Variants in SMARCD3 observed in about 807,000 individuals in gnomAD.
The protein encoded by SMARCD3 is SWI/SNF related BAF chromatin remodeling complex subunit D3.
A neutral mutation model predicts 58.0 loss-of-function variants in SMARCD3; 14 were observed. The ratio of observed to expected loss-of-function variants is 0.24; its 90% CI spans 0.16 to 0.38. The LOEUF (loss-of-function observed/expected upper bound fraction) is 0.38. Ranked by LOEUF, SMARCD3 falls within the 10% of genes least tolerant of loss-of-function variation. The pLI is 1.00. For synonymous variants in SMARCD3, 253 were observed against 253.8 expected (o/e 1.00, Z 0.03); for missense variants, 408 against 636.9 (o/e 0.64, Z 3.87).
intron 2 of SMARCD3, among the ~76,000 whole-genome samples, chr7:151,258,450 A>G (rs1325985730): frequency 1.3e-5 from 2 of 151,818 alleles, no homozygotes; most frequent in East Asian, 3.9e-4. Context: ...CTGTAATCCC[A>G]GCTACTTGGG....
In SMARCD3 at chr7:151,243,580, T is replaced by G. The variant is rs1803107193; in HGVS notation, c.333+79A>C. On this transcript the variant is annotated intron_variant, in intron 3 of 12. Coordinates refer to ENST00000262188, the MANE Select transcript of SMARCD3 (RefSeq NM_001003801.2). This position sits in a 1 kb window ranked among gnomAD's most constrained non-coding sequence, Gnocchi z 4.4. ...GTGAAAGTGACTGTGATGCTGAAGC[T>G]CTGCTTCTGAGGGGGGAGGGGAGGG... is the stretch of plus-strand genomic sequence containing the variant. The G allele has an allele frequency of 2.6e-6, 2 of 776,796 alleles. No homozygotes were observed. Among genetic ancestry groups the G allele is most frequent in the South Asian group, 2.8e-5 (2 of 71,230 alleles). 48.1% of individuals were successfully genotyped at this position (776,796 alleles called of 1,614,324 possible). A position where few individuals can be genotyped will look rare whatever the true frequency, so the allele number is the denominator to read the frequency against.
At chr7:151,240,784 G>C (rs1348108232) in intron 8 of SMARCD3, 2 of 478,304 alleles carry the variant, frequency 4.2e-6, no homozygotes, top group Non-Finnish European at 7.5e-6. Flanking sequence ...TCCTGCCTCT[G>C]CCACTTACTA....
At chr7:151,250,125 C>T (rs556086960), upstream of SMARCD3, among the ~76,000 whole-genome samples, 68 of 152,190 alleles carry the variant, frequency 4.5e-4, no homozygotes, top group African/African-American at 1.4e-3. Context: ...TGCCTTTGCC[C>T]AGGGGGTCCT....
chr7:151,240,744 G>A (rs939967212), intron 8 of SMARCD3: 22 of 559,878 alleles, frequency 3.9e-5, no homozygotes, highest in Middle Eastern at 4.8e-4. Flanking sequence ...TTGAGAGTGC[G>A]GGCCCTGGGT....
Position 151,242,166 on chromosome 7 carries a change from G to T in SMARCD3, c.646C>A (p.Leu216Ile), listed in dbSNP as rs1164103717. 6.2e-7 allele frequency: 1 copy of T among 1,614,026 alleles called. No individual in the cohort carries two copies. Among genetic ancestry groups the T allele is most frequent in the Admixed American group, 1.7e-5 (1 of 60,026 alleles). ...KSLVIELDKD[L>I]YGPDNHLVEW... ...ACGAGGTGGTTGTCAGGGCCATAAA[G>T]ATCTTTGTCCAGCTCGATGACCAAA... is the stretch of plus-strand genomic sequence containing the variant. The change falls in exon 6 of 13, where the codon CTT becomes ATT. Residue 216 changes from leucine to isoleucine, a missense_variant. Physicochemically the swap from Leu to Ile is conservative, Grantham distance 5. Transcript: ENST00000262188. This position sits in a 1 kb window ranked among gnomAD's most constrained non-coding sequence, Gnocchi z 4.7.
chr7:151,267,035 T>C (rs1193124264), intron 2 of SMARCD3, among the ~76,000 whole-genome samples: 1 of 152,208 alleles, frequency 6.6e-6, no homozygotes, highest in Non-Finnish European at 1.5e-5. Flanking sequence ...CCACAGGAAT[T>C]GGCGAACGAT....
chr7:151,259,434 A>C, intron 2 of SMARCD3, among the ~76,000 whole-genome samples: 1 of 114,680 alleles, frequency 8.7e-6, no homozygotes, highest in Non-Finnish European at 1.9e-5. Flanking sequence ...TGTGTTTCTA[A>C]AGGAGGCAGG....
chr7:151,246,375 C>T lies in SMARCD3; in HGVS notation c.79-704G>A, dbSNP rs537739548. On this transcript the variant is annotated intron_variant, in intron 1 of 12. Transcript: ENST00000262188. The surrounding 1 kb of genome is among the most constrained non-coding windows in gnomAD (Gnocchi z 4.4). ...TCCAAGTCCCCACATCCAGGGTCTTCGCTGACCAAGCTGCCCCCATAATTT... is the reference window on the plus strand; with the variant it reads ...TCCAAGTCCCCACATCCAGGGTCTTTGCTGACCAAGCTGCCCCCATAATTT... Among the ~76,000 whole-genome samples the T allele has an allele frequency of 3.9e-5, 6 of 152,288 alleles. No individual in the cohort carries two copies. The highest frequency in any genetic ancestry group is 1.9e-4 in the East Asian group (1 of 5,182).
chr7:151,251,611 G>T (rs1440015706), upstream of SMARCD3, among the ~76,000 whole-genome samples: 4 of 152,112 alleles, frequency 2.6e-5, no homozygotes, highest in African/African-American at 9.7e-5. Context: ...GCCGCCGATG[G>T]CTCCTGCGGG....
intron 8 of SMARCD3, chr7:151,240,836 C>T: frequency 5.4e-6 from 2 of 369,304 alleles, no homozygotes; most frequent in South Asian, 5.9e-5. Context: ...TCAGTGTCTT[C>T]ATCTCTAGAG....
At chr7:151,251,076 C>G (rs142825762), upstream of SMARCD3, among the ~76,000 whole-genome samples, 71 of 152,138 alleles carry the variant, frequency 4.7e-4, no homozygotes, top group East Asian at 0.013. Context: ...AGAGGAGATG[C>G]TGGGCACTCC....
Position 151,245,769 on chromosome 7 carries a change from C to G in SMARCD3, c.79-98G>C, listed in dbSNP as rs572936147. On this transcript the variant is annotated intron_variant, in intron 1 of 12. Transcript: ENST00000262188. The surrounding 1 kb of genome is among the most constrained non-coding windows in gnomAD (Gnocchi z 6.2). Reference sequence around the variant, plus strand: ...TGAGCCGGCGTCTCCCCTCCCCCACCAGACCCTCGGCTGGTGACCCTGAGC... The same window carrying G: ...TGAGCCGGCGTCTCCCCTCCCCCACGAGACCCTCGGCTGGTGACCCTGAGC... 5.2e-6 allele frequency: 2 copies of G among 382,746 alleles called. No individual in the cohort carries two copies. Among genetic ancestry groups the G allele is most frequent in the East Asian group, 7.4e-5 (2 of 26,850 alleles). The allele number at this position is 382,746 out of a possible 1,614,324, so 23.7% of individuals were successfully genotyped here. A position where few individuals can be genotyped will look rare whatever the true frequency, so the allele number is the denominator to read the frequency against.
chr7:151,242,687 C>CTA lies in SMARCD3; in HGVS notation c.456+32_456+33dup. ...GCTTCCCCATCCTGGTCACACAACT[C>CTA]TAGAGTCCCCTTCCTACCCCCGAAC... On this transcript the variant is annotated intron_variant, in intron 4 of 12. Transcript: ENST00000262188. The surrounding 1 kb of genome is among the most constrained non-coding windows in gnomAD (Gnocchi z 4.7). The CTA allele has an allele frequency of 1.9e-6, 3 of 1,613,984 alleles. No individual in the cohort carries two copies. The highest frequency in any genetic ancestry group is 1.3e-5 in the African/African-American group (1 of 75,028).
Position 151,239,270 on chromosome 7 carries a change from T to C in SMARCD3, c.1399-114A>G, listed in dbSNP as rs529990248. 164 of 1,353,110 alleles carry C rather than the reference T, an allele frequency of 1.2e-4. No homozygotes were observed. The African/African-American group carries it at 1.2e-3, about 10-fold the overall frequency. 83.8% of individuals were successfully genotyped at this position (1,353,110 alleles called of 1,614,324 possible). The stretch of plus-strand genomic sequence containing the variant: ...GAGCATCTGGGAGCAGGGAGGGCCA[T>C]TGCATGGTGAGGCAGCGTGGTGAAG... On this transcript the variant is annotated intron_variant, in intron 12 of 12. Transcript: ENST00000262188. The surrounding 1 kb of genome is among the most constrained non-coding windows in gnomAD (Gnocchi z 7.0).
rs985617351 is a variant in SMARCD3 at position 151,248,315 on chromosome 7, G to A, written c.78+170C>T. Among the ~76,000 whole-genome samples, 9 of 148,858 alleles carry A rather than the reference G, an allele frequency of 6.0e-5. No homozygotes were observed. Among genetic ancestry groups the A allele is most frequent in the Non-Finnish European group, 1.3e-4 (9 of 67,410 alleles). Reference sequence around the variant, plus strand: ...CAGACCCGGCCGGCCGCCTGGCGACGTGTTCGGGTGCCAGGGCGCCAGCAC... The same window carrying A: ...CAGACCCGGCCGGCCGCCTGGCGACATGTTCGGGTGCCAGGGCGCCAGCAC... On this transcript the variant is annotated intron_variant, in intron 1 of 12. Transcript: ENST00000262188. The surrounding 1 kb of genome is among the most constrained non-coding windows in gnomAD (Gnocchi z 6.1).
chr7:151,245,678 G>T lies in SMARCD3; in HGVS notation c.79-7C>A. The T allele has an allele frequency of 3.2e-6, 3 of 934,888 alleles. No individual in the cohort carries two copies. Among genetic ancestry groups the T allele is most frequent in the Non-Finnish European group, 4.2e-6 (3 of 717,464 alleles). The allele number at this position is 934,888 out of a possible 1,614,324, so 57.9% of individuals were successfully genotyped here. ...CAGACGGCATCCCGGGGCGCTGGGG[G>T]TGGGCGGGGGTGAAGCAGAAACGGG... On this transcript the variant is annotated splice_polypyrimidine_tract_variant and splice_region_variant and intron_variant, in intron 1 of 12. Transcript: ENST00000262188. This position sits in a 1 kb window ranked among gnomAD's most constrained non-coding sequence, Gnocchi z 6.2.
exon 2 of SMARCD3, chr7:151,275,194 C>G (rs995712649): frequency 6.3e-7 from 1 of 1,588,670 alleles, no homozygotes; most frequent in African/African-American, 1.3e-5. Context: ...CCAGTGCCCC[C>G]TCGGTGCCTG....
chr7:151,250,502 C>T (rs1211087107), upstream of SMARCD3, among the ~76,000 whole-genome samples: 1 of 151,726 alleles, frequency 6.6e-6, no homozygotes, highest in Non-Finnish European at 1.5e-5. Flanking sequence ...CCCCTGCCCC[C>T]GATTCTTTTA....
Position 151,245,588 on chromosome 7 carries a change from G to T in SMARCD3, c.162C>A (p.Pro54=). 1 of 1,162,260 alleles carries T rather than the reference G, an allele frequency of 8.6e-7. No individual in the cohort carries two copies. The highest frequency in any genetic ancestry group is 1.1e-6 in the Non-Finnish European group (1 of 925,188). The allele number at this position is 1,162,260 out of a possible 1,614,324, so 72.0% of individuals were successfully genotyped here. A position where few individuals can be genotyped will look rare whatever the true frequency, so the allele number is the denominator to read the frequency against. ...GPPGSPYMGS[P]AVRPGLAPAG... is the part of the protein sequence containing the mutation. ...CGGGGGCCAGGCCGGGTCGCACGGC[G>T]GGGCTGCCCATGTACGGGGAGCCCG... Residue 54 remains proline (P), a synonymous_variant, in exon 2 of 13, where the codon CCC becomes CCA. Coordinates refer to ENST00000262188, the MANE Select transcript of SMARCD3 (RefSeq NM_001003801.2). This position sits in a 1 kb window ranked among gnomAD's most constrained non-coding sequence, Gnocchi z 6.2.
Sources: gnomAD v4.1 joint callset for allele counts (sites outside exome capture counted in the v4.1 genomes callset) on GRCh38, gnomAD v4.1.1 for gene constraint, Gnocchi (gnomAD v3.1) non-coding constraint, MANE v1.5 for transcripts, NCBI Gene and HGNC (gene_info 2026-07-23, HGNC 2026-07-21) for gene names.